Variants in ZFAND5 observed in about 807,000 individuals in gnomAD.
ZFAND5 encodes AN1-type zinc finger protein 5.
In ZFAND5, 4 loss-of-function variants were observed where a neutral mutation model predicts 23.6. The observed-to-expected ratio is 0.17, with a 90% CI of 0.08 to 0.39. The LOEUF (loss-of-function observed/expected upper bound fraction) is 0.39. ZFAND5 is among the 10% of genes least tolerant of loss of function. The probability of loss-of-function intolerance (pLI) is 1.00; values close to 1 mark genes in which losing one functional copy is unlikely to be tolerated. For missense variants in ZFAND5, 161 were observed against 253.7 expected (o/e 0.63, Z 2.48); for synonymous variants, 68 against 80.6 (o/e 0.84, Z 0.84).
rs1841802967 is a variant in ZFAND5, at chr9:72,352,518, C to T, written c.*3435G>A. The stretch of plus-strand genomic sequence containing the variant: ...AAATCCATGTGAATGTTATTACCAA[C>T]CCCCAAAATACAATAATAGTATGCT... On this transcript the variant is annotated 3_prime_UTR_variant, in exon 7 of 7. Transcript: ENST00000376962. 6.6e-6 allele frequency: 1 copy of T among 152,108 alleles called. No individual in the cohort carries two copies. The highest frequency in any genetic ancestry group is 6.5e-5 in the Admixed American group (1 of 15,278). 9.4% of individuals were successfully genotyped at this position (152,108 alleles called of 1,614,324 possible).
chr9:72,357,069 A>G lies in ZFAND5; in HGVS notation c.368-13T>C, dbSNP rs779508138. 1 of 1,607,640 alleles carries G rather than the reference A, an allele frequency of 6.2e-7. No homozygotes were observed. The highest frequency in any genetic ancestry group is 1.1e-5 in the South Asian group (1 of 89,768). Reference sequence around the variant, plus strand: ...GGCTGAGTGACAACTGAAAAGGACAAAAACACAAATTTGTCAAGCATTCAC... The same window carrying G: ...GGCTGAGTGACAACTGAAAAGGACAGAAACACAAATTTGTCAAGCATTCAC... On this transcript the variant is annotated splice_polypyrimidine_tract_variant and intron_variant, in intron 5 of 6. Transcript: ENST00000376962.
rs147533625 is a variant in ZFAND5, at chr9:72,362,219, T to C, written c.-10+1251A>G. On this transcript the variant is annotated intron_variant, in intron 2 of 6. Transcript: ENST00000376962. Reference sequence around the variant, plus strand: ...TAACTGGAATTTAGCTGACTCATTTTGGAGCAGGGTAGTGTAAACATTTCA... The same window carrying C: ...TAACTGGAATTTAGCTGACTCATTTCGGAGCAGGGTAGTGTAAACATTTCA... Among the ~76,000 whole-genome samples the C allele has an allele frequency of 8.9e-4, 135 of 152,370 alleles. 2 individuals are homozygous for C. The highest frequency in any genetic ancestry group is 3.1e-3 in the African/African-American group (130 of 41,584).
At position 72,364,823 on chromosome 9, in the gene ZFAND5, A is replaced by C. The variant is rs988868333; in HGVS notation, c.-274T>G. On this transcript the variant is annotated 5_prime_UTR_variant, in exon 1 of 7. Coordinates refer to ENST00000376962, the MANE Select transcript of ZFAND5 (RefSeq NM_001102420.3). ...CCGCCGCGGGCCGGGAGCGGGTCGG[A>C]GCAGCAGGCGGAGGTGGCGCCGCCG... is the stretch of plus-strand genomic sequence containing the variant. 1.2e-5 allele frequency: 2 copies of C among 168,518 alleles called. No individual in the cohort carries two copies. Among genetic ancestry groups the C allele is most frequent in the African/African-American group, 4.9e-5 (2 of 41,160 alleles). 10.4% of individuals were successfully genotyped at this position (168,518 alleles called of 1,614,324 possible). A position where few individuals can be genotyped will look rare whatever the true frequency, so the allele number is the denominator to read the frequency against.
chr9:72,351,839 C>A lies in ZFAND5; in HGVS notation c.*4114G>T, dbSNP rs939271920. The A allele has an allele frequency of 6.6e-6, 1 of 152,126 alleles. No homozygotes were observed. Among genetic ancestry groups the A allele is most frequent in the Non-Finnish European group, 1.5e-5 (1 of 68,008 alleles). 9.4% of individuals were successfully genotyped at this position (152,126 alleles called of 1,614,324 possible). On this transcript the variant is annotated 3_prime_UTR_variant, in exon 7 of 7. Coordinates refer to ENST00000376962, the MANE Select transcript of ZFAND5 (RefSeq NM_001102420.3). ...ACAGGGGAAACTGTATTTCCAGTTT[C>A]TTTTTGTTAACAGCCTGTTGCCTCA...
chr9:72,356,165 A>T, intron 6 of ZFAND5, 64 bp from the exon 7 acceptor site: 1 of 1,565,578 alleles, frequency 6.4e-7, no homozygotes. Flanking sequence ...AAAAAGCCTT[A>T]GTCACTATAG....
rs947345497 is a variant in ZFAND5 at position 72,360,241 on chromosome 9, G to A, written c.152-20C>T. 6.3e-7 allele frequency: 1 copy of A among 1,594,590 alleles called. No homozygotes were observed. The highest frequency in any genetic ancestry group is 8.6e-7 in the Non-Finnish European group (1 of 1,167,572). ...CTGTTCCTATTTAAAAAAAGGATTT[G>A]TAAGGAACCAATGAACACTACAAAA... On this transcript the variant is annotated intron_variant, in intron 3 of 6. Transcript: ENST00000376962.
chr9:72,360,053 A>G, intron 4 of ZFAND5, 57 bp downstream of exon 4: 1 of 1,446,520 alleles, frequency 6.9e-7, no homozygotes, highest in East Asian at 2.3e-5. Flanking sequence ...GGACCAGTAC[A>G]GACATCTTGA....
rs1320626348 is a variant in ZFAND5, at chr9:72,359,407, G to A, written c.367+11C>T. 4 of 1,610,146 alleles carry A rather than the reference G, an allele frequency of 2.5e-6. No homozygotes were observed. Among genetic ancestry groups the A allele is most frequent in the African/African-American group, 1.3e-5 (1 of 74,702 alleles). On this transcript the variant is annotated intron_variant, in intron 5 of 6. Coordinates refer to ENST00000376962, the MANE Select transcript of ZFAND5 (RefSeq NM_001102420.3). Reference sequence around the variant, plus strand: ...ATTCAGAACTGAACAAGTATTAAATGAAAAACATACCTGGCTCTGACACCT... The same window carrying A: ...ATTCAGAACTGAACAAGTATTAAATAAAAAACATACCTGGCTCTGACACCT...
rs1317462717 is a variant in ZFAND5, at chr9:72,361,561, AAAT to A, written c.-9-777_-9-775del. ...AAGTGCTTGTCTTCCTCATACCAGA[AAAT>A]AATAAAACCGTTCCAAGCTCAAATT... is the stretch of plus-strand genomic sequence containing the variant. On this transcript the variant is annotated intron_variant, in intron 2 of 6. Transcript: ENST00000376962. Among the ~76,000 whole-genome samples the A allele has an allele frequency of 6.6e-5, 10 of 152,234 alleles. No homozygotes were observed. In the South Asian group the frequency reaches 1.0e-3, roughly 16 times the overall value.
rs960504679 is a variant in ZFAND5 at position 72,357,162 on chromosome 9, TTA to T, written c.368-108_368-107del. The T allele has an allele frequency of 1.0e-5, 14 of 1,333,884 alleles. No individual in the cohort carries two copies. In the Admixed American group the frequency reaches 2.5e-4, roughly 24 times the overall value. The allele number at this position is 1,333,884 out of a possible 1,614,324, so 82.6% of individuals were successfully genotyped here. On this transcript the variant is annotated intron_variant, in intron 5 of 6. Transcript: ENST00000376962. ...ACAGGAAGATGCCTGATAAAAATGTTTATAAGTATTCCTTGAAAATACAAGCT... is the reference window on the plus strand; with the variant it reads ...ACAGGAAGATGCCTGATAAAAATGTTTAAGTATTCCTTGAAAATACAAGCT...
chr9:72,356,402 C>A (rs1050757092), intron 6 of ZFAND5, among the ~76,000 whole-genome samples: 1 of 152,164 alleles, frequency 6.6e-6, no homozygotes, highest in East Asian at 1.9e-4. Context: ...GTGGAGAAAA[C>A]AAAATGGGCT....
intron 2 of ZFAND5, among the ~76,000 whole-genome samples, chr9:72,362,019 A>G (rs1258242511): frequency 6.6e-6 from 1 of 152,200 alleles, no homozygotes; most frequent in Non-Finnish European, 1.5e-5. Context: ...GGACTAACCA[A>G]TTTTGACCTG....
intron 4 of ZFAND5, 66 bp from the exon 5 acceptor site, chr9:72,359,587 T>C: frequency 7.2e-7 from 1 of 1,391,240 alleles, no homozygotes; most frequent in Non-Finnish European, 1.0e-6. Flanking sequence ...ATGAATAAGT[T>C]GTCAGTTCAA....
intron 6 of ZFAND5, among the ~76,000 whole-genome samples, 177 bp from the exon 7 acceptor site, chr9:72,356,278 C>T (rs995730097): frequency 7.9e-5 from 12 of 152,182 alleles, no homozygotes; most frequent in Non-Finnish European, 8.8e-5. Flanking sequence ...GAGTCTATCA[C>T]GTTAACCTGG....
rs149760521 is a variant in ZFAND5 at position 72,353,628 on chromosome 9, T to G, written c.*2325A>C. 113 of 149,762 alleles carry G rather than the reference T, an allele frequency of 7.5e-4. No homozygotes were observed. Among genetic ancestry groups the G allele is most frequent in the African/African-American group, 2.1e-3 (85 of 40,776 alleles). The allele number at this position is 149,762 out of a possible 1,614,324, so 9.3% of individuals were successfully genotyped here. On this transcript the variant is annotated 3_prime_UTR_variant, in exon 7 of 7. Transcript: ENST00000376962. ...GGCAGAGGTTGCAGTGAGCCAAGAT[T>G]ACGCCATTGCACTGCAGCCTGGCCA... is the stretch of plus-strand genomic sequence containing the variant.
chr9:72,355,702 G>GT lies in ZFAND5; in HGVS notation c.*250dup, dbSNP rs1841923799. The GT allele has an allele frequency of 3.2e-6, 1 of 311,220 alleles. No homozygotes were observed. Among genetic ancestry groups the GT allele is most frequent in the African/African-American group, 2.2e-5 (1 of 46,294 alleles). The allele number at this position is 311,220 out of a possible 1,614,324, so 19.3% of individuals were successfully genotyped here. A position where few individuals can be genotyped will look rare whatever the true frequency, so the allele number is the denominator to read the frequency against. On this transcript the variant is annotated 3_prime_UTR_variant, in exon 7 of 7. Transcript: ENST00000376962. The stretch of plus-strand genomic sequence containing the variant: ...TACATTTTGTTCCTATTATCTGTGT[G>GT]TTTCACTTTGCTGTGCAGATTTTCA...
chr9:72,354,251 T>C lies in ZFAND5; in HGVS notation c.*1702A>G, dbSNP rs1280412950. 1 of 152,204 alleles carries C rather than the reference T, an allele frequency of 6.6e-6. No homozygotes were observed. The highest frequency in any genetic ancestry group is 1.5e-5 in the Non-Finnish European group (1 of 68,032). 9.4% of individuals were successfully genotyped at this position (152,204 alleles called of 1,614,324 possible). A position where few individuals can be genotyped will look rare whatever the true frequency, so the allele number is the denominator to read the frequency against. On this transcript the variant is annotated 3_prime_UTR_variant, in exon 7 of 7. Transcript: ENST00000376962. The stretch of plus-strand genomic sequence containing the variant: ...TTCTCAAATTTTAAAATTGTTTTAA[T>C]CCCAAAGGTGCCTATTGAATTCTTC...
At chr9:72,356,354 G>A (rs1218169490) in intron 6 of ZFAND5, among the ~76,000 whole-genome samples, 1 of 152,170 alleles carries the variant, frequency 6.6e-6, no homozygotes, top group Non-Finnish European at 1.5e-5. Flanking sequence ...GTCTTTCCTT[G>A]CAAGGGCAAT....
intron 4 of ZFAND5, 36 bp from the exon 5 acceptor site, chr9:72,359,557 T>G (rs1842038894): frequency 6.3e-7 from 1 of 1,579,240 alleles, no homozygotes; most frequent in Non-Finnish European, 8.7e-7. Flanking sequence ...TTAAAGGTGT[T>G]AAGGGTACTT....
Sources: gnomAD v4.1 joint callset for allele counts (sites outside exome capture counted in the v4.1 genomes callset) on GRCh38, gnomAD v4.1.1 for gene constraint, MANE v1.5 for transcripts, NCBI Gene and HGNC (gene_info 2026-07-23, HGNC 2026-07-21) for gene names.